THAP6: variants seen among roughly 807,000 people sequenced by gnomAD.
THAP6 encodes the protein THAP domain containing 6, also known as THAP domain-containing protein 6.
A neutral mutation model predicts 20.0 loss-of-function variants in THAP6; 13 were observed. The ratio of observed to expected loss-of-function variants is 0.65; its 90% confidence interval spans 0.42 to 1.03. The LOEUF is 1.03. Ranked by LOEUF, THAP6 falls within the 50% of genes least tolerant of loss-of-function variation. The pLI is 0.00. For missense variants in THAP6, 262 were observed against 261.6 expected (o/e 1.00, Z -0.01); for synonymous variants, 93 against 92.2 (o/e 1.01, Z -0.05).
In THAP6 at chr4:75,545,462, A is replaced by C. The variant is rs149011412; in HGVS notation, c.243+2976A>C. ...TGAACCCCCTTTTAGGAGAAATCCC[A>C]GCAGAAGATGCCTAAGCAAGCCTTG... On this transcript the variant is annotated intron_variant, in intron 3 of 4. Coordinates refer to the THAP6 transcript ENST00000502620. Among the ~76,000 whole-genome samples, 1,304 of 152,308 alleles carry C rather than the reference A, an allele frequency of 8.6e-3. 22 individuals carry two copies. Among genetic ancestry groups the C allele is most frequent in the African/African-American group, 0.03 (1,232 of 41,554 alleles).
chr4:75,527,078 G>A lies in THAP6; in HGVS notation c.533G>A (p.Arg178His), dbSNP rs770836249. Reference sequence around the variant, plus strand: ...CGGAATGTTTTAGACCGAGAAAAACGTTTTCAGAAATCATTGAGGAAGACA... The same window carrying A: ...CGGAATGTTTTAGACCGAGAAAAACATTTTCAGAAATCATTGAGGAAGACA... ...SLRNVLDREK[R>H]FQKSLRKTIR... Residue 178 changes from arginine (R) to histidine (H), a missense_variant, in exon 5 of 5, where the codon CGT becomes CAT. Physicochemically the swap from Arg to His is conservative, Grantham distance 29. Transcript: ENST00000311638. 36 of 1,614,092 alleles carry A rather than the reference G, an allele frequency of 2.2e-5. No individual in the cohort carries two copies. Among genetic ancestry groups the A allele is most frequent in the Admixed American group, 2.2e-4 (13 of 60,014 alleles).
intron 3 of THAP6, among the ~76,000 whole-genome samples, chr4:75,543,926 GC>G (rs1280076238): frequency 6.6e-6 from 1 of 152,060 alleles, no homozygotes; most frequent in Admixed American, 6.6e-5. Context: ...ACTATGGGTC[GC>G]CCCCAGTAAA....
In THAP6 at chr4:75,517,077, G is replaced by A. The variant is rs1429557805; in HGVS notation, c.288+98G>A. ...TCTGTCACCAAGGCTGGAGTGCAGT[G>A]GCGCGATCTCAGCTCACTGCAATCT... On this transcript the variant is annotated intron_variant, in intron 3 of 4. Transcript: ENST00000311638. The A allele has an allele frequency of 4.3e-5, 38 of 877,182 alleles. 1 individual carries two copies. In the Admixed American group the frequency reaches 9.4e-4, roughly 22 times the overall value. The allele number at this position is 877,182 out of a possible 1,614,324, so 54.3% of individuals were successfully genotyped here. A position where few individuals can be genotyped will look rare whatever the true frequency, so the allele number is the denominator to read the frequency against.
rs768458716 is a variant in THAP6 at position 75,536,736 on chromosome 4, G to A, written c.166-5673G>A. Among the ~76,000 whole-genome samples, 7 of 152,140 alleles carry A rather than the reference G, an allele frequency of 4.6e-5. No homozygotes were observed. The South Asian group carries it at 1.0e-3, about 23-fold the overall frequency. ...TTGCCCAGGCTGGTCTTGAACTCCT[G>A]GGCTCACGCAGTCTGCCCACCTCAG... is the stretch of plus-strand genomic sequence containing the variant. On this transcript the variant is annotated intron_variant, in intron 2 of 4. Coordinates refer to the THAP6 transcript ENST00000502620.
chr4:75,515,447 G>C lies in THAP6; in HGVS notation c.-6G>C, dbSNP rs778302476. 12 of 1,613,270 alleles carry C rather than the reference G, an allele frequency of 7.4e-6. No individual in the cohort carries two copies. The highest frequency in any genetic ancestry group is 1.0e-5 in the Non-Finnish European group (12 of 1,179,298). On this transcript the variant is annotated 5_prime_UTR_variant, in exon 2 of 5. Transcript: ENST00000311638. ...TTTTCTTTCAGTTTTGTTATGAGTT[G>C]CTAAAATGGTGAAATGCTGCTCCGC...
Position 75,528,100 on chromosome 4 carries a change from CATTAGAA to C in THAP6, c.*891_*897del. ...AAAAAATACAAAATACAAAAGAAAC[CATTAGAA>C]ATTAATAACTGTGGCTCTTCCAGTT... On this transcript the variant is annotated 3_prime_UTR_variant, in exon 5 of 5. Transcript: ENST00000311638. 1.0e-6 allele frequency: 1 copy of C among 984,576 alleles called. No homozygotes were observed. Among genetic ancestry groups the C allele is most frequent in the Non-Finnish European group, 1.2e-6 (1 of 829,310 alleles). The allele number at this position is 984,576 out of a possible 1,614,324, so 61.0% of individuals were successfully genotyped here. A position where few individuals can be genotyped will look rare whatever the true frequency, so the allele number is the denominator to read the frequency against.
Position 75,521,837 on chromosome 4 carries a change from A to G in THAP6, c.390A>G (p.Glu130=), listed in dbSNP as rs758452596. 3 of 1,613,404 alleles carry G rather than the reference A, an allele frequency of 1.9e-6. No individual in the cohort carries two copies. Among genetic ancestry groups the G allele is most frequent in the East Asian group, 2.2e-5 (1 of 44,790 alleles). The change falls in exon 4 of 5, where the codon GAA becomes GAG. Residue 130 remains glutamate (E), a synonymous_variant. Coordinates refer to ENST00000311638, the MANE Select transcript of THAP6 (RefSeq NM_144721.6). ...TTGTTGGTGCTTCCTCATGTATTGAAGAATTCCAATCCCAGTTCATTTTTG... is the reference window on the plus strand; with the variant it reads ...TTGTTGGTGCTTCCTCATGTATTGAGGAATTCCAATCCCAGTTCATTTTTG... ...HHLVGASSCI[E]EFQSQFIFEH...
At chr4:75,521,659 A>G in intron 3 of THAP6, 77 bp from the exon 4 acceptor site, 1 of 1,403,326 alleles carries the variant, frequency 7.1e-7, no homozygotes, top group East Asian at 2.3e-5. Context: ...TTCACTATAC[A>G]AAGTTAAGAA....
intron 3 of THAP6, chr4:75,542,638 T>C (rs999269112): frequency 7.0e-6 from 4 of 571,038 alleles, no homozygotes; most frequent in Non-Finnish European, 1.2e-5. Context: ...GTTTCACAGC[T>C]GGTATAACGA....
At position 75,527,820 on chromosome 4, in the gene THAP6, A is replaced by T. The variant is rs1726474429; in HGVS notation, c.*606A>T. 9.1e-6 allele frequency: 9 copies of T among 985,942 alleles called. No homozygotes were observed. Among genetic ancestry groups the T allele is most frequent in the Non-Finnish European group, 1.1e-5 (9 of 830,428 alleles). 61.1% of individuals were successfully genotyped at this position (985,942 alleles called of 1,614,324 possible). A position where few individuals can be genotyped will look rare whatever the true frequency, so the allele number is the denominator to read the frequency against. ...GCCAATTTAAGAAGACCCCTCATGA[A>T]GTCTCAGTTTTCAGTACAGTACATC... On this transcript the variant is annotated 3_prime_UTR_variant, in exon 5 of 5. Transcript: ENST00000311638.
rs572661501 is a variant in THAP6 at position 75,525,323 on chromosome 4, A to G, written c.415-1637A>G. Among the ~76,000 whole-genome samples the G allele has an allele frequency of 7.3e-5, 11 of 151,288 alleles. No individual in the cohort carries two copies. In the East Asian group the frequency reaches 1.9e-3, roughly 27 times the overall value. On this transcript the variant is annotated intron_variant, in intron 4 of 4. Coordinates refer to ENST00000311638, the MANE Select transcript of THAP6 (RefSeq NM_144721.6). ...GTTACTGATGCTTTATTTTTTTTCTATCTCCTTTTCTCTCTGTAGTCCATA... is the reference window on the plus strand; with the variant it reads ...GTTACTGATGCTTTATTTTTTTTCTGTCTCCTTTTCTCTCTGTAGTCCATA...
chr4:75,516,728 C>A, intron 2 of THAP6, 44 bp from the exon 3 acceptor site: 2 of 1,533,514 alleles, frequency 1.3e-6, no homozygotes, highest in Non-Finnish European at 1.8e-6. Flanking sequence ...AATTATATAG[C>A]AATAGTATTT....
chr4:75,514,319 T>C, upstream of THAP6: 1 of 1,597,054 alleles, frequency 6.3e-7, no homozygotes, highest in Non-Finnish European at 8.6e-7. Context: ...CCACCGATCC[T>C]TCCCCCAGGA....
At chr4:75,546,293 A>G (rs987584173) in intron 3 of THAP6, among the ~76,000 whole-genome samples, 9 of 152,162 alleles carry the variant, frequency 5.9e-5, no homozygotes, top group African/African-American at 2.2e-4. Context: ...AGGACATTCC[A>G]TCCTGAGACG....
intron 3 of THAP6, chr4:75,517,248 C>G (rs1014146615): frequency 3.4e-6 from 1 of 293,242 alleles, no homozygotes; most frequent in Non-Finnish European, 6.4e-6. Flanking sequence ...GAACTCCTGA[C>G]CTCGTGATCC....
Position 75,527,600 on chromosome 4 carries a change from T to A in THAP6, c.*386T>A. The A allele has an allele frequency of 9.9e-7, 1 of 1,014,116 alleles. No homozygotes were observed. Among genetic ancestry groups the A allele is most frequent in the Non-Finnish European group, 1.2e-6 (1 of 846,752 alleles). 62.8% of individuals were successfully genotyped at this position (1,014,116 alleles called of 1,614,324 possible). On this transcript the variant is annotated 3_prime_UTR_variant, in exon 5 of 5. Transcript: ENST00000311638. ...ACCTTTACTTACATGTGCTTTATGG[T>A]AAGTACATTGAATTTTACTTTAAAT...
At chr4:75,545,904 A>C (rs1207118249) in intron 3 of THAP6, among the ~76,000 whole-genome samples, 3 of 152,166 alleles carry the variant, frequency 2.0e-5, no homozygotes, top group Non-Finnish European at 4.4e-5. Flanking sequence ...ACAGACCTCC[A>C]GTGGGCCCTT....
At chr4:75,525,080 T>G (rs1209696384) in intron 4 of THAP6, among the ~76,000 whole-genome samples, 1 of 152,220 alleles carries the variant, frequency 6.6e-6, no homozygotes, top group Non-Finnish European at 1.5e-5. Context: ...TTCTACTGCT[T>G]TTGCCTAATC....
chr4:75,514,318 C>T (rs1240690152), upstream of THAP6: 2 of 1,598,472 alleles, frequency 1.3e-6, no homozygotes, highest in Non-Finnish European at 1.7e-6. Context: ...TCCACCGATC[C>T]TTCCCCCAGG....
Sources: allele counts gnomAD v4.1 joint callset (sites outside exome capture counted in the v4.1 genomes callset), GRCh38; gene constraint gnomAD v4.1.1; transcripts MANE v1.5; gene names NCBI Gene and HGNC (gene_info 2026-07-23, HGNC 2026-07-21).